Variants in SLC35F4 observed in about 807,000 individuals in gnomAD.
SLC35F4 encodes the protein chromosome 14 open reading frame 36.
Under a neutral mutation model 44.2 loss-of-function variants are expected in SLC35F4, and 24 were observed. The ratio of observed to expected loss-of-function variants is 0.54; its 90% CI spans 0.39 to 0.76. SLC35F4 has a LOEUF of 0.76. Among genes scored for constraint, SLC35F4 ranks in the 30% least tolerant of loss-of-function variants. The pLI is 0.00. For missense variants in SLC35F4, 562 were observed against 586.1 expected (o/e 0.96, Z 0.42); for synonymous variants, 238 against 223.6 (o/e 1.06, Z -0.57).
chr14:57,751,937 T>TGC (rs1056247411), intron 1 of SLC35F4, among the ~76,000 whole-genome samples: 8 of 142,546 alleles, frequency 5.6e-5, no homozygotes, highest in African/African-American at 2.4e-4. Flanking sequence ...TCTCTCTCTC[T>TGC]GTGTGTGTGT....
intron 1 of SLC35F4, among the ~76,000 whole-genome samples, chr14:57,629,678 A>T (rs1311128817): frequency 6.6e-6 from 1 of 152,184 alleles, no homozygotes; most frequent in Non-Finnish European, 1.5e-5. Context: ...ATCACTATAT[A>T]TGCATCAATT....
At chr14:57,824,184 A>G (rs1010917259) in intron 1 of SLC35F4, among the ~76,000 whole-genome samples, 2 of 152,158 alleles carry the variant, frequency 1.3e-5, no homozygotes, top group Admixed American at 6.5e-5. Flanking sequence ...TTCTGTTTGC[A>G]TGTATCAGAA....
At chr14:57,772,794 G>C (rs76987595) in intron 1 of SLC35F4, among the ~76,000 whole-genome samples, 14 of 152,182 alleles carry the variant, frequency 9.2e-5, no homozygotes, top group African/African-American at 3.4e-4. Flanking sequence ...CTTTCATATT[G>C]TGAATAGTGC....
rs376131155 is a variant in SLC35F4 at position 57,734,173 on chromosome 14, TATG to T, written c.103+131547_103+131549del. On this transcript the variant is annotated intron_variant, in intron 1 of 7. Coordinates refer to ENST00000556826, the MANE Select transcript of SLC35F4 (RefSeq NM_001306087.2). ...CTGGAATTAAGTAAACATTTCACAT[TATG>T]GTACAGTGGAAATAGGGTGTGTTTG... Among the ~76,000 whole-genome samples, 958 of 152,268 alleles carry T rather than the reference TATG, an allele frequency of 6.3e-3. 6 individuals are homozygous for T. Among genetic ancestry groups the T allele is most frequent in the Middle Eastern group, 0.048 (14 of 294 alleles).
chr14:57,591,909 G>C (rs773179122), intron 2 of SLC35F4, among the ~76,000 whole-genome samples: 1 of 152,312 alleles, frequency 6.6e-6, no homozygotes, highest in South Asian at 2.1e-4. Context: ...TGAAGAATGC[G>C]TCTGCACCAC....
chr14:57,840,816 A>C (rs1885410006), intron 1 of SLC35F4, among the ~76,000 whole-genome samples: 1 of 152,188 alleles, frequency 6.6e-6, no homozygotes, highest in African/African-American at 2.4e-5. Context: ...TTTCTTACGT[A>C]TACATTTTAA....
chr14:57,753,455 G>A (rs1322987974), intron 1 of SLC35F4, among the ~76,000 whole-genome samples: 1 of 152,088 alleles, frequency 6.6e-6, no homozygotes, highest in East Asian at 1.9e-4. Flanking sequence ...ATCCTCTGAG[G>A]GCTGAGGAGA....
chr14:57,777,178 G>A (rs556339598), intron 1 of SLC35F4, among the ~76,000 whole-genome samples: 185 of 152,338 alleles, frequency 1.2e-3, no homozygotes, highest in African/African-American at 4.1e-3. Context: ...CACTGTTGGT[G>A]CGAGTGTAAA....
intron 1 of SLC35F4, among the ~76,000 whole-genome samples, chr14:57,687,795 C>A (rs1013760315): frequency 3.3e-5 from 5 of 151,896 alleles, no homozygotes; most frequent in Middle Eastern, 3.2e-3. Flanking sequence ...CCTTTATTTG[C>A]AAAAAGAAAA....
At chr14:57,953,995 C>T (rs1890190532) in intron 1 of SLC35F4, among the ~76,000 whole-genome samples, 1 of 152,174 alleles carries the variant, frequency 6.6e-6, no homozygotes, top group Non-Finnish European at 1.5e-5. Flanking sequence ...AACCACACTG[C>T]ACTTATTCTA....
intron 1 of SLC35F4, among the ~76,000 whole-genome samples, chr14:57,762,926 A>G (rs1288998934): frequency 6.6e-6 from 1 of 152,182 alleles, no homozygotes; most frequent in Non-Finnish European, 1.5e-5. Context: ...GTAGCAATGC[A>G]AAAGAATTGG....
intron 1 of SLC35F4, among the ~76,000 whole-genome samples, chr14:57,654,023 T>G (rs2073876522): frequency 6.6e-6 from 1 of 152,190 alleles, no homozygotes; most frequent in African/African-American, 2.4e-5. Context: ...CTTCACATGG[T>G]GCTCTACTTG....
chr14:57,928,435 G>A lies in SLC35F4; in HGVS notation n.282+53478C>T, dbSNP rs536069198. 9.8e-5 allele frequency among the ~76,000 whole-genome samples: 15 copies of A among 152,312 alleles called. No individual in the cohort carries two copies. In the East Asian group the frequency reaches 1.9e-3, roughly 20 times the overall value. On this transcript the variant is annotated intron_variant and non_coding_transcript_variant, in intron 1 of 1. Coordinates refer to the SLC35F4 transcript ENST00000556568. The stretch of plus-strand genomic sequence containing the variant: ...TGACTGCACAGTCAGTGGGCACCAC[G>A]TGGAGAGCCGGAACTCCCACACCCA...
intron 3 of SLC35F4, among the ~76,000 whole-genome samples, chr14:57,582,665 TTATGGGGTAACTGTC>T (rs2069371525): frequency 1.3e-5 from 2 of 152,206 alleles, no homozygotes; most frequent in South Asian, 4.1e-4. Context: ...ATTCAAGTAT[TTATGGGGTAACTGTC>T]ATGCTCCAGG....
At chr14:57,859,070 A>C (rs183148143) in intron 1 of SLC35F4, among the ~76,000 whole-genome samples, 1 of 152,090 alleles carries the variant, frequency 6.6e-6, no homozygotes, top group Non-Finnish European at 1.5e-5. Flanking sequence ...GCACCACTGC[A>C]CTACCAGCCT....
intron 1 of SLC35F4, among the ~76,000 whole-genome samples, chr14:57,600,151 ATGAT>A (rs1335763696): frequency 6.6e-6 from 1 of 152,226 alleles, no homozygotes; most frequent in Non-Finnish European, 1.5e-5. Context: ...TACTAGCTTT[ATGAT>A]TGATTGATAA....
chr14:57,681,952 C>G (rs2074918665), intron 1 of SLC35F4, among the ~76,000 whole-genome samples: 1 of 152,214 alleles, frequency 6.6e-6, no homozygotes, highest in African/African-American at 2.4e-5. Flanking sequence ...AAGATACCAT[C>G]TCACGCCAGT....
intron 1 of SLC35F4, among the ~76,000 whole-genome samples, chr14:57,847,558 T>C (rs1048556252): frequency 1.3e-5 from 2 of 152,218 alleles, no homozygotes; most frequent in African/African-American, 4.8e-5. Flanking sequence ...TGGGCCAGGA[T>C]ACCATGATAT....
chr14:57,864,050 T>C (rs137931346), intron 1 of SLC35F4, among the ~76,000 whole-genome samples: 198 of 152,332 alleles, frequency 1.3e-3, no homozygotes, highest in Middle Eastern at 0.01. Flanking sequence ...TTTTTCAGTA[T>C]TCTTTTTGGG....
Sources: allele counts gnomAD v4.1 joint callset (sites outside exome capture counted in the v4.1 genomes callset), GRCh38; gene constraint gnomAD v4.1.1; transcripts MANE v1.5; gene names NCBI Gene and HGNC (gene_info 2026-07-23, HGNC 2026-07-21).